The following MBNL2 variants were observed in gnomAD, a reference collection of about 807,000 sequenced individuals.
The protein encoded by MBNL2 is muscleblind like splicing regulator 2.
A neutral mutation model predicts 41.9 loss-of-function variants in MBNL2; 17 were observed. The observed-to-expected ratio is 0.41, with a 90% CI of 0.28 to 0.61. MBNL2 has a LOEUF of 0.61. Ranked by LOEUF, MBNL2 falls within the 20% of genes least tolerant of loss-of-function variation. The probability of loss-of-function intolerance (pLI) is 0.35; values close to 1 mark genes in which losing one functional copy is unlikely to be tolerated. For missense variants in MBNL2, 336 were observed against 505.6 expected (o/e 0.66, Z 3.22); for synonymous variants, 195 against 182.9 (o/e 1.07, Z -0.53).
chr13:97,365,078 C>T (rs1205416476), intron 7 of MBNL2, 58 bp from the exon 8 acceptor site: 14 of 1,114,100 alleles, frequency 1.3e-5, no homozygotes, highest in Admixed American at 3.4e-5. Context: ...AACTCTAAAC[C>T]GCTAACCTGT....
chr13:97,340,570 C>T (rs533700464), intron 3 of MBNL2, among the ~76,000 whole-genome samples: 15 of 152,116 alleles, frequency 9.9e-5, no homozygotes, highest in Non-Finnish European at 1.9e-4. Flanking sequence ...GCAATAGCGC[C>T]TTGTTCTGCC....
At chr13:97,158,594 T>A in the MBNL2 span, among the ~76,000 whole-genome samples, 1 of 151,214 alleles carries the variant, frequency 6.6e-6, no homozygotes, top group East Asian at 1.9e-4. Context: ...TGGTATGTTG[T>A]GTCTTTGTTC....
intron 5 of MBNL2, among the ~76,000 whole-genome samples, chr13:97,354,314 C>G (rs1410038495): frequency 4.6e-5 from 7 of 152,144 alleles, no homozygotes; most frequent in Non-Finnish European, 7.4e-5. Flanking sequence ...GTCAAAATCA[C>G]CAAAAACTGA....
chr13:97,309,370 C>T (rs1353631066), intron 2 of MBNL2, among the ~76,000 whole-genome samples: 2 of 152,090 alleles, frequency 1.3e-5, no homozygotes, highest in African/African-American at 4.8e-5. Context: ...CAGGGGTGGT[C>T]AATTTAAAAT....
intron 2 of MBNL2, among the ~76,000 whole-genome samples, chr13:97,302,374 G>T (rs985799369): frequency 2.0e-5 from 3 of 152,194 alleles, no homozygotes; most frequent in African/African-American, 7.2e-5. Context: ...AAAGTAGTTT[G>T]TCCTTTTTTC....
chr13:97,235,314 C>T (rs372461285), intron 1 of MBNL2, among the ~76,000 whole-genome samples: 1 of 152,070 alleles, frequency 6.6e-6, no homozygotes, highest in African/African-American at 2.4e-5. Context: ...ACAAAAATTG[C>T]CAGCTTTCTA....
the MBNL2 span, among the ~76,000 whole-genome samples, chr13:97,153,575 A>G: frequency 2.0e-5 from 3 of 152,210 alleles, no homozygotes; most frequent in African/African-American, 7.2e-5. Context: ...AATTTTGATT[A>G]AAAAGTAAAT....
At chr13:97,368,802 C>T (rs1221409689) in intron 8 of MBNL2, among the ~76,000 whole-genome samples, 1 of 151,788 alleles carries the variant, frequency 6.6e-6, no homozygotes, top group African/African-American at 2.4e-5. Flanking sequence ...AAATATATCA[C>T]TTTCAGGAAG....
At chr13:97,279,850 T>C (rs1288123973) in intron 2 of MBNL2, among the ~76,000 whole-genome samples, 1 of 152,224 alleles carries the variant, frequency 6.6e-6, no homozygotes, top group Non-Finnish European at 1.5e-5. Context: ...GAATTATACA[T>C]ATATAAATGC....
chr13:97,330,516 CAA>C (rs2060342976), intron 2 of MBNL2, among the ~76,000 whole-genome samples: 2 of 152,178 alleles, frequency 1.3e-5, no homozygotes, highest in South Asian at 4.1e-4. Context: ...AAGCAAAAAA[CAA>C]ATCCTAGCTG....
At position 97,255,203 on chromosome 13, in the gene MBNL2, G is replaced by C. The variant is rs1160468751; in HGVS notation, c.-604-20429G>C. Among the ~76,000 whole-genome samples, 3 of 152,150 alleles carry C rather than the reference G, an allele frequency of 2.0e-5. No homozygotes were observed. In the East Asian group the frequency reaches 5.8e-4, roughly 29 times the overall value. ...AAGTTTTTCCACTGAAGCACCCTTA[G>C]AGCAGAGCAGAGTTAGAAGAACTGA... On this transcript the variant is annotated intron_variant, in intron 1 of 8. Coordinates refer to ENST00000679496, the MANE Select transcript of MBNL2 (RefSeq NM_001382683.1).
the MBNL2 span, among the ~76,000 whole-genome samples, chr13:97,148,297 A>G: frequency 2.6e-3 from 400 of 152,208 alleles, 2 homozygotes; most frequent in Non-Finnish European, 2.7e-3. Context: ...GGACCTGAGA[A>G]GAAGGACAAC....
chr13:97,269,336 C>G (rs1269892503), intron 1 of MBNL2, among the ~76,000 whole-genome samples: 3 of 152,190 alleles, frequency 2.0e-5, no homozygotes, highest in African/African-American at 7.2e-5. Context: ...CTAAGGGTGC[C>G]CTGCATATAA....
At chr13:97,324,865 G>T (rs943544461) in intron 2 of MBNL2, among the ~76,000 whole-genome samples, 12 of 152,284 alleles carry the variant, frequency 7.9e-5, no homozygotes, top group African/African-American at 2.9e-4. Flanking sequence ...AAACATGAAG[G>T]CCAGAAGACT....
intron 2 of MBNL2, among the ~76,000 whole-genome samples, chr13:97,324,613 T>C (rs1026001693): frequency 6.6e-6 from 1 of 152,158 alleles, no homozygotes; most frequent in African/African-American, 2.4e-5. Context: ...GGGGAGTTTA[T>C]TGGGAGAATC....
intron 4 of MBNL2, among the ~76,000 whole-genome samples, chr13:97,345,160 G>GT (rs2061736643): frequency 6.6e-6 from 1 of 152,178 alleles, no homozygotes; most frequent in Admixed American, 6.5e-5. Context: ...CAGTGAAACA[G>GT]TATTTCCTAA....
chr13:97,362,497 T>C (rs2063492059), intron 7 of MBNL2, among the ~76,000 whole-genome samples: 1 of 151,992 alleles, frequency 6.6e-6, no homozygotes, highest in South Asian at 2.1e-4. Flanking sequence ...GGGGACAGCT[T>C]GTGGGAAGTT....
At chr13:97,264,010 TTTC>T in intron 1 of MBNL2, among the ~76,000 whole-genome samples, 1 of 145,414 alleles carries the variant, frequency 6.9e-6, no homozygotes, top group Non-Finnish European at 1.5e-5. Flanking sequence ...GATTATTCTT[TTTC>T]TTTTTTTTTT....
chr13:97,371,642 G>A (rs1040638080), intron 8 of MBNL2, among the ~76,000 whole-genome samples: 4 of 152,092 alleles, frequency 2.6e-5, no homozygotes, highest in Non-Finnish European at 1.5e-5. Context: ...TAGGAAGAGT[G>A]AGCAGATGGA....
Sources: gnomAD v4.1 joint callset for allele counts (sites outside exome capture counted in the v4.1 genomes callset) on GRCh38, gnomAD v4.1.1 for gene constraint, MANE v1.5 for transcripts, NCBI Gene and HGNC (gene_info 2026-07-23, HGNC 2026-07-21) for gene names.